The following LHFPL3 variants were observed in gnomAD, a reference collection of about 807,000 sequenced individuals.
LHFPL3 encodes the protein LHFPL tetraspan subfamily member 3, also known as LHFPL tetraspan subfamily member 3 protein.
In LHFPL3, 5 loss-of-function variants were observed where a neutral mutation model predicts 19.3. That is an observed-to-expected ratio of 0.26 (90% CI 0.14 to 0.54). The LOEUF is 0.54. Among genes scored for constraint, LHFPL3 ranks in the 20% least tolerant of loss-of-function variants. The pLI is 0.94. For missense variants in LHFPL3, 249 were observed against 307.4 expected (o/e 0.81, Z 1.42); for synonymous variants, 133 against 126.2 (o/e 1.05, Z -0.36).
chr7:104,599,932 A>C (rs1256134284), intron 1 of LHFPL3, among the ~76,000 whole-genome samples: 2 of 152,108 alleles, frequency 1.3e-5, no homozygotes, highest in African/African-American at 4.8e-5. Context: ...AAAGGCCCTA[A>C]ACTTCTTATC....
intron 1 of LHFPL3, among the ~76,000 whole-genome samples, chr7:104,373,245 G>T (rs1381628143): frequency 6.6e-6 from 1 of 152,040 alleles, no homozygotes; most frequent in East Asian, 1.9e-4. Context: ...TCAAGACGAG[G>T]TGCCTGAATT....
intron 1 of LHFPL3, among the ~76,000 whole-genome samples, chr7:104,733,766 G>A (rs1054491357): frequency 6.6e-6 from 1 of 152,204 alleles, no homozygotes; most frequent in African/African-American, 2.4e-5. Flanking sequence ...CTGTCATTAT[G>A]ATGTTAGCTG....
At chr7:104,467,996 GGT>G (rs1302340519) in intron 1 of LHFPL3, among the ~76,000 whole-genome samples, 5 of 152,154 alleles carry the variant, frequency 3.3e-5, no homozygotes, top group Non-Finnish European at 7.3e-5. Flanking sequence ...TCAGGAAAGA[GGT>G]ATCTGTCTGT....
At chr7:104,642,034 CTTTT>C (rs10583452) in intron 1 of LHFPL3, among the ~76,000 whole-genome samples, 33,269 of 112,004 alleles carry the variant, frequency 0.3, 4,758 homozygotes, top group African/African-American at 0.32. Context: ...TATGTTATTA[CTTTT>C]TTTTTTTTTT....
At chr7:104,679,126 T>C (rs1368701158) in intron 1 of LHFPL3, among the ~76,000 whole-genome samples, 1 of 152,236 alleles carries the variant, frequency 6.6e-6, no homozygotes, top group East Asian at 1.9e-4. Flanking sequence ...TCTCATGAGA[T>C]TGCAGTCAAG....
At chr7:104,874,105 A>G (rs1018192948) in intron 2 of LHFPL3, among the ~76,000 whole-genome samples, 1 of 152,230 alleles carries the variant, frequency 6.6e-6, no homozygotes, top group African/African-American at 2.4e-5. Flanking sequence ...TGTCATCTAT[A>G]GGTAGCTGGC....
chr7:104,725,178 CTG>C, intron 1 of LHFPL3, among the ~76,000 whole-genome samples: 1 of 152,192 alleles, frequency 6.6e-6, no homozygotes, highest in African/African-American at 2.4e-5. Flanking sequence ...AATTCTACCT[CTG>C]TTTTTTTTTA....
At chr7:104,426,089 A>G (rs1366250467) in intron 1 of LHFPL3, among the ~76,000 whole-genome samples, 1 of 152,182 alleles carries the variant, frequency 6.6e-6, no homozygotes, top group East Asian at 1.9e-4. Flanking sequence ...CCACAGATGC[A>G]GTGGGACATG....
intron 2 of LHFPL3, among the ~76,000 whole-genome samples, chr7:104,833,977 C>A (rs1386513116): frequency 6.9e-6 from 1 of 145,688 alleles, no homozygotes; most frequent in Non-Finnish European, 1.5e-5. Flanking sequence ...AGTAAGGAGA[C>A]CCAGTCTGAG....
At chr7:104,385,237 C>T (rs1391184286) in intron 1 of LHFPL3, among the ~76,000 whole-genome samples, 1 of 152,158 alleles carries the variant, frequency 6.6e-6, no homozygotes, top group East Asian at 1.9e-4. Context: ...ATTCTTGTTG[C>T]CTTGTTTCTC....
At chr7:104,850,437 T>C (rs1385690662) in intron 2 of LHFPL3, among the ~76,000 whole-genome samples, 2 of 152,230 alleles carry the variant, frequency 1.3e-5, no homozygotes, top group African/African-American at 2.4e-5. Context: ...AGCCTGCTTC[T>C]GAGGGCTTCA....
rs1385804068 is a variant in LHFPL3, at chr7:104,523,023, TACATATAC to T, written c.445+193803_445+193810del. On this transcript the variant is annotated intron_variant, in intron 1 of 2. Transcript: ENST00000424859. ...ACATATATGTATATATGCACATATA[TACATATAC>T]ACACATATGCACATTATATATACAT... 2.0e-3 allele frequency among the ~76,000 whole-genome samples: 296 copies of T among 151,420 alleles called. 1 individual carries two copies. Among genetic ancestry groups the T allele is most frequent in the African/African-American group, 7.0e-3 (290 of 41,318 alleles).
At chr7:104,857,201 C>T (rs1019156889) in intron 2 of LHFPL3, among the ~76,000 whole-genome samples, 1 of 152,194 alleles carries the variant, frequency 6.6e-6, no homozygotes, top group Non-Finnish European at 1.5e-5. Context: ...TGCCAGCAAT[C>T]TGCCTCTGGA....
intron 2 of LHFPL3, among the ~76,000 whole-genome samples, chr7:104,783,642 A>C (rs1013417303): frequency 6.6e-6 from 1 of 152,224 alleles, no homozygotes; most frequent in African/African-American, 2.4e-5. Flanking sequence ...GAGGTACAGG[A>C]TACCTAACTA....
intron 1 of LHFPL3, among the ~76,000 whole-genome samples, chr7:104,351,708 T>C (rs1790177686): frequency 6.6e-6 from 1 of 152,232 alleles, no homozygotes; most frequent in African/African-American, 2.4e-5. Context: ...TGAGCGAATT[T>C]ACAATTTTCA....
At chr7:104,412,591 G>T (rs1315306884) in intron 1 of LHFPL3, among the ~76,000 whole-genome samples, 1 of 152,008 alleles carries the variant, frequency 6.6e-6, no homozygotes, top group Non-Finnish European at 1.5e-5. Context: ...AGCAGGGAGT[G>T]GTCTCAGACC....
chr7:104,727,749 G>GA (rs1036627015), intron 1 of LHFPL3, among the ~76,000 whole-genome samples: 16 of 150,820 alleles, frequency 1.1e-4, no homozygotes, highest in Admixed American at 6.6e-4. Context: ...AGAGAAAAAA[G>GA]AAAAAAAAAC....
intron 1 of LHFPL3, among the ~76,000 whole-genome samples, chr7:104,582,658 T>C (rs1790481299): frequency 6.6e-6 from 1 of 152,050 alleles, no homozygotes; most frequent in African/African-American, 2.4e-5. Context: ...TGAATGGGTG[T>C]TGAATTTTGT....
At chr7:104,511,998 A>G (rs1231784000) in intron 1 of LHFPL3, among the ~76,000 whole-genome samples, 1 of 126,790 alleles carries the variant, frequency 7.9e-6, no homozygotes, top group Admixed American at 1.0e-4. Context: ...TCTGTCACCC[A>G]GGCTGGAGTG....
Sources: gnomAD v4.1 joint callset for allele counts (sites outside exome capture counted in the v4.1 genomes callset) on GRCh38, gnomAD v4.1.1 for gene constraint, MANE v1.5 for transcripts, NCBI Gene and HGNC (gene_info 2026-07-23, HGNC 2026-07-21) for gene names.